CDK6: variants seen among roughly 807,000 people sequenced by gnomAD.
CDK6 encodes the protein cyclin-dependent kinase 6.
In CDK6, 6 loss-of-function variants were observed where a neutral mutation model predicts 37.1. That is an observed-to-expected ratio of 0.16 (90% CI 0.09 to 0.32). The LOEUF (loss-of-function observed/expected upper bound fraction) is 0.32, where lower values mean the gene tolerates loss of function less well. Ranked by LOEUF, CDK6 falls within the 10% of genes least tolerant of loss-of-function variation. CDK6 has a pLI of 1.00. For synonymous variants in CDK6, 160 were observed against 161.3 expected (o/e 0.99, Z 0.06); for missense variants, 224 against 418.9 (o/e 0.53, Z 4.06).
chr7:92,774,726 T>C lies in CDK6; in HGVS notation c.339A>G (p.Pro113=). 2 of 1,610,180 alleles carry C rather than the reference T, an allele frequency of 1.2e-6. No individual in the cohort carries two copies. Among genetic ancestry groups the C allele is most frequent in the Non-Finnish European group, 1.7e-6 (2 of 1,178,668 alleles). ...QDLTTYLDKV[P]EPGVPTETIK... The stretch of plus-strand genomic sequence containing the variant: ...TGGTTTCAGTGGGCACTCCAGGCTC[T>C]GGAACTTTATCCAAGTAAGTGGTCA... The change falls in exon 3 of 8, where the codon CCA becomes CCG. Residue 113 remains proline, a synonymous_variant. Transcript: ENST00000424848.
chr7:92,781,697 C>T (rs950423642), intron 2 of CDK6, among the ~76,000 whole-genome samples: 3 of 152,136 alleles, frequency 2.0e-5, no homozygotes, highest in Non-Finnish European at 4.4e-5. Context: ...TTCCCCCATT[C>T]TCTTCAATGT....
At chr7:92,747,573 G>C (rs921431787) in intron 3 of CDK6, among the ~76,000 whole-genome samples, 4 of 152,124 alleles carry the variant, frequency 2.6e-5, no homozygotes, top group African/African-American at 9.7e-5. Flanking sequence ...CAAATCTCTG[G>C]CTTCTGCTGG....
intron 5 of CDK6, among the ~76,000 whole-genome samples, chr7:92,668,859 T>C (rs1449928523): frequency 6.6e-6 from 1 of 152,210 alleles, no homozygotes; most frequent in Non-Finnish European, 1.5e-5. Flanking sequence ...ATGATTGGCC[T>C]TGATTCACTC....
Position 92,636,181 on chromosome 7 carries a change from A to C in CDK6, c.648-13095T>G, listed in dbSNP as rs1048894811. Among the ~76,000 whole-genome samples the C allele has an allele frequency of 2.9e-4, 44 of 151,976 alleles. 1 individual carries two copies. The highest frequency in any genetic ancestry group is 9.9e-4 in the African/African-American group (41 of 41,354). On this transcript the variant is annotated intron_variant, in intron 5 of 7. Transcript: ENST00000424848. ...ATCATTCACCCACCTCAGCCTCCTG[A>C]GTAGCTGGGACCACAGGGGCATGCC...
At chr7:92,697,562 G>C (rs1249403624) in intron 4 of CDK6, among the ~76,000 whole-genome samples, 1 of 152,118 alleles carries the variant, frequency 6.6e-6, no homozygotes, top group Non-Finnish European at 1.5e-5. Flanking sequence ...TCCAAACCCA[G>C]GTCTAACTCC....
At chr7:92,771,605 ATCTCT>A (rs1262082808) in intron 3 of CDK6, among the ~76,000 whole-genome samples, 2 of 152,188 alleles carry the variant, frequency 1.3e-5, no homozygotes, top group Non-Finnish European at 2.9e-5. Flanking sequence ...TTTGCATTTT[ATCTCT>A]TCTCTTATAC....
intron 2 of CDK6, among the ~76,000 whole-genome samples, chr7:92,784,113 G>T (rs1800063871): frequency 6.6e-6 from 1 of 151,880 alleles, no homozygotes; most frequent in Middle Eastern, 3.4e-3. Flanking sequence ...CCACAAAGAA[G>T]GCATATCATA....
chr7:92,619,023 GATA>G (rs1212932224), intron 6 of CDK6, among the ~76,000 whole-genome samples: 2 of 151,960 alleles, frequency 1.3e-5, no homozygotes. Flanking sequence ...TGTATACAAT[GATA>G]ATAACTTACA....
At chr7:92,735,323 G>C (rs1798759688) in intron 3 of CDK6, among the ~76,000 whole-genome samples, 1 of 151,928 alleles carries the variant, frequency 6.6e-6, no homozygotes, top group African/African-American at 2.4e-5. Flanking sequence ...TTGTTATAAA[G>C]GTATATTTCA....
chr7:92,618,203 T>C lies in CDK6; in HGVS notation c.703A>G (p.Ile235Val). ...CAGTCTTCTTCTCCTGGGAGTCCAA[T>C]CACGCTACAAAAGAACCACACATGG... ...VDQLGKILDV[I>V]GLPGEEDWPR... is the part of the protein sequence containing the mutation. The change falls in exon 7 of 8, where the codon ATT becomes GTT. Residue 235 changes from isoleucine (I) to valine (V), a missense_variant. By Grantham distance (29) the Ile-to-Val change is conservative. Transcript: ENST00000424848. 1 of 1,613,972 alleles carries C rather than the reference T, an allele frequency of 6.2e-7. No individual in the cohort carries two copies. Among genetic ancestry groups the C allele is most frequent in the Non-Finnish European group, 8.5e-7 (1 of 1,179,914 alleles).
At chr7:92,795,156 G>A (rs941149951) in intron 2 of CDK6, among the ~76,000 whole-genome samples, 14 of 151,926 alleles carry the variant, frequency 9.2e-5, no homozygotes, top group Non-Finnish European at 1.6e-4. Context: ...AGTTATTGTC[G>A]TTTTTCCCCT....
chr7:92,777,044 T>C (rs1799868412), intron 2 of CDK6, among the ~76,000 whole-genome samples: 1 of 152,202 alleles, frequency 6.6e-6, no homozygotes, highest in Non-Finnish European at 1.5e-5. Context: ...AGGTCTTATG[T>C]TTAAGTCTTT....
chr7:92,819,556 T>G (rs1243782551), intron 2 of CDK6, among the ~76,000 whole-genome samples: 1 of 152,072 alleles, frequency 6.6e-6, no homozygotes, highest in Non-Finnish European at 1.5e-5. Context: ...GTTTTGACTT[T>G]AAAAAAGCCA....
chr7:92,749,410 G>A (rs1400395588), intron 3 of CDK6, among the ~76,000 whole-genome samples: 1 of 152,124 alleles, frequency 6.6e-6, no homozygotes, highest in Non-Finnish European at 1.5e-5. Context: ...GCTGCAGTGA[G>A]CTATGATCTC....
At chr7:92,774,164 T>C (rs1204100250) in intron 3 of CDK6, among the ~76,000 whole-genome samples, 1 of 152,214 alleles carries the variant, frequency 6.6e-6, no homozygotes, top group East Asian at 1.9e-4. Context: ...TTTGGCATAG[T>C]ATCTGGTTAC....
Position 92,615,168 on chromosome 7 carries a change from T to A in CDK6, c.953A>T (p.Gln318Leu), listed in dbSNP as rs1030971961. The A allele has an allele frequency of 2.5e-6, 4 of 1,614,008 alleles. No homozygotes were observed. The highest frequency in any genetic ancestry group is 1.3e-5 in the African/African-American group (1 of 75,064). The change falls in exon 8 of 8, where the codon CAG (glutamine) becomes CTG (leucine). Residue 318 changes from glutamine (Q) to leucine (L), a missense_variant. Around this residue, in one of 5 missense-constraint regions of CDK6, gnomAD observed 90 missense variants for 136.2 expected, o/e 0.66. Transcript: ENST00000424848. ...ENLDSHLPPSQNTSELNTA is the reference protein window; with the variant it reads ...ENLDSHLPPSLNTSELNTA Reference sequence around the variant, plus strand: ...GGCTGTATTCAGCTCCGAGGTGTTCTGGCTGGGCGGCAGGTGGGAATCCAG... The same window carrying A: ...GGCTGTATTCAGCTCCGAGGTGTTCAGGCTGGGCGGCAGGTGGGAATCCAG...
intron 4 of CDK6, among the ~76,000 whole-genome samples, chr7:92,706,364 T>C (rs147357676): frequency 6.6e-6 from 1 of 152,360 alleles, no homozygotes. Flanking sequence ...TTTGTACCAC[T>C]GCATTCCAGC....
At chr7:92,635,236 C>T (rs1351443270) in intron 5 of CDK6, among the ~76,000 whole-genome samples, 1 of 152,170 alleles carries the variant, frequency 6.6e-6, no homozygotes, top group East Asian at 1.9e-4. Context: ...GGCAAACCGG[C>T]CTGTCAGGTA....
chr7:92,766,316 T>C (rs1467156480), intron 3 of CDK6, among the ~76,000 whole-genome samples: 1 of 152,096 alleles, frequency 6.6e-6, no homozygotes, highest in Non-Finnish European at 1.5e-5. Flanking sequence ...GGATATCTTT[T>C]GGGGATAACA....
Sources: allele counts gnomAD v4.1 joint callset (sites outside exome capture counted in the v4.1 genomes callset), GRCh38; gene constraint gnomAD v4.1.1; regional missense constraint gnomAD v4.1.1; transcripts MANE v1.5; gene names NCBI Gene and HGNC (gene_info 2026-07-23, HGNC 2026-07-21).